WWTR1: variants seen among roughly 807,000 people sequenced by gnomAD.
The protein encoded by WWTR1 is WW domain containing transcription regulator 1.
A neutral mutation model predicts 40.1 loss-of-function variants in WWTR1; 13 were observed. The observed-to-expected ratio is 0.32, with a 90% CI of 0.21 to 0.52. The LOEUF is 0.52. WWTR1 is among the 20% of genes least tolerant of loss of function. WWTR1 has a pLI of 0.97. For missense variants in WWTR1, 436 were observed against 523.1 expected (o/e 0.83, Z 1.63); for synonymous variants, 230 against 210.1 (o/e 1.09, Z -0.82).
chr3:149,594,566 T>C (rs951699049), intron 2 of WWTR1, among the ~76,000 whole-genome samples: 2 of 152,178 alleles, frequency 1.3e-5, no homozygotes, highest in Non-Finnish European at 2.9e-5. Flanking sequence ...TCGTGTGTGA[T>C]AGTGGTCTAA....
intron 4 of WWTR1, among the ~76,000 whole-genome samples, chr3:149,535,423 C>A (rs1331223752): frequency 6.6e-6 from 1 of 151,940 alleles, no homozygotes; most frequent in African/African-American, 2.4e-5. Flanking sequence ...TAATTCGGTG[C>A]CAAGGGATTC....
intron 1 of WWTR1, among the ~76,000 whole-genome samples, chr3:149,695,281 A>T (rs1237695664): frequency 3.9e-5 from 6 of 152,274 alleles, no homozygotes; most frequent in African/African-American, 1.2e-4. Flanking sequence ...ACAATAATTT[A>T]TTGTACATTT....
At chr3:149,599,198 G>A (rs1739135380) in intron 2 of WWTR1, among the ~76,000 whole-genome samples, 1 of 152,222 alleles carries the variant, frequency 6.6e-6, no homozygotes, top group African/African-American at 2.4e-5. Flanking sequence ...TTTGATTCAT[G>A]AAGGTTAATG....
chr3:149,590,072 T>G (rs1001631593), intron 2 of WWTR1, among the ~76,000 whole-genome samples: 1 of 152,200 alleles, frequency 6.6e-6, no homozygotes, highest in African/African-American at 2.4e-5. Context: ...TACCAGGTAC[T>G]ATACACCATG....
upstream of WWTR1, among the ~76,000 whole-genome samples, chr3:149,705,870 GTTTA>G (rs1331801118): frequency 1.3e-5 from 2 of 152,154 alleles, no homozygotes; most frequent in Non-Finnish European, 2.9e-5. Flanking sequence ...TCCAAAATCT[GTTTA>G]TTTAACTACT....
chr3:149,679,454 T>C (rs1714382950), intron 1 of WWTR1, among the ~76,000 whole-genome samples: 1 of 152,204 alleles, frequency 6.6e-6, no homozygotes, highest in Non-Finnish European at 1.5e-5. Flanking sequence ...TTCTCTGTAC[T>C]GTTCAGCCTT....
chr3:149,555,133 C>T (rs933229764), intron 3 of WWTR1, among the ~76,000 whole-genome samples: 12 of 152,160 alleles, frequency 7.9e-5, no homozygotes, highest in Non-Finnish European at 1.8e-4. Context: ...ATGGCAGTTG[C>T]CCAAGCTAAG....
intron 3 of WWTR1, among the ~76,000 whole-genome samples, chr3:149,568,805 CG>C (rs1175616597): frequency 1.3e-5 from 2 of 152,166 alleles, no homozygotes; most frequent in South Asian, 2.1e-4. Flanking sequence ...CTCGCTCTGT[CG>C]CCCAGGCTGG....
At chr3:149,590,178 A>T (rs55800640) in intron 2 of WWTR1, among the ~76,000 whole-genome samples, 34,125 of 152,002 alleles carry the variant, frequency 0.22, 3,968 homozygotes, top group African/African-American at 0.26. Flanking sequence ...AATGACAATC[A>T]TGGTAATAAT....
At chr3:149,718,170 T>C (rs1194144321) in intron 4 of WWTR1, among the ~76,000 whole-genome samples, 1 of 152,190 alleles carries the variant, frequency 6.6e-6, no homozygotes, top group Non-Finnish European at 1.5e-5. Context: ...GGGCCTTCCA[T>C]AGTGTCCCAT....
At chr3:149,611,036 C>G (rs574826628) in intron 2 of WWTR1, among the ~76,000 whole-genome samples, 1 of 152,002 alleles carries the variant, frequency 6.6e-6, no homozygotes, top group African/African-American at 2.4e-5. Flanking sequence ...TGCCTGTGAT[C>G]CCAGCTACTC....
At chr3:149,701,416 C>T (rs1715166587) in intron 1 of WWTR1, among the ~76,000 whole-genome samples, 1 of 152,246 alleles carries the variant, frequency 6.6e-6, no homozygotes, top group Admixed American at 6.5e-5. Flanking sequence ...GCCCCTGAGC[C>T]CTATTTCCTA....
At chr3:149,677,935 G>GT (rs1198344557) in intron 1 of WWTR1, among the ~76,000 whole-genome samples, 5 of 147,422 alleles carry the variant, frequency 3.4e-5, no homozygotes, top group Admixed American at 2.0e-4. Context: ...GCTAATTTTT[G>GT]TATTTTTTTT....
At chr3:149,661,289 A>T (rs1713563633), upstream of WWTR1, 1 of 152,438 alleles carries the variant, frequency 6.6e-6, no homozygotes, top group African/African-American at 2.4e-5. Context: ...TAAGACCAGC[A>T]GAGCTGCACA....
intron 3 of WWTR1, among the ~76,000 whole-genome samples, chr3:149,562,304 A>AAAG (rs1211460434): frequency 6.6e-6 from 1 of 152,044 alleles, no homozygotes; most frequent in Admixed American, 6.5e-5. Flanking sequence ...CAAAAAAAAA[A>AAAG]AAAAATTACT....
rs746325897 is a variant in WWTR1, at chr3:149,657,274, C to T, written c.33G>A (p.Pro11=). MNPASAPPPL[P]PPGQQVIHVT... is the part of the protein sequence containing the mutation. ...CGTGGATCACTTGCTGCCCAGGCGG[C>T]GGGAGCGGAGGGGGCGCCGAGGCCG... Residue 11 remains proline (P), a synonymous_variant, in exon 2 of 7, where the codon CCG becomes CCA. Transcript: ENST00000360632. 1.9e-6 allele frequency: 3 copies of T among 1,612,624 alleles called. No homozygotes were observed. Among genetic ancestry groups the T allele is most frequent in the East Asian group, 2.2e-5 (1 of 44,870 alleles).
chr3:149,682,414 A>G (rs1714487701), intron 1 of WWTR1, among the ~76,000 whole-genome samples: 1 of 152,236 alleles, frequency 6.6e-6, no homozygotes, highest in Non-Finnish European at 1.5e-5. Context: ...TGACTTTAAA[A>G]TTGGCCATGG....
At chr3:149,584,865 T>G (rs1738337371) in intron 2 of WWTR1, among the ~76,000 whole-genome samples, 1 of 152,152 alleles carries the variant, frequency 6.6e-6, no homozygotes, top group Non-Finnish European at 1.5e-5. Flanking sequence ...TGAGGCTGTT[T>G]TGAGAATTTC....
intron 3 of WWTR1, among the ~76,000 whole-genome samples, chr3:149,570,761 C>T (rs1737580088): frequency 6.6e-6 from 1 of 152,080 alleles, no homozygotes; most frequent in Non-Finnish European, 1.5e-5. Flanking sequence ...CATGTATGCA[C>T]ATACAGGCAG....
Sources: allele counts gnomAD v4.1 joint callset (sites outside exome capture counted in the v4.1 genomes callset), GRCh38; gene constraint gnomAD v4.1.1; transcripts MANE v1.5; gene names NCBI Gene and HGNC (gene_info 2026-07-23, HGNC 2026-07-21).